The following ARHGAP10 variants were observed in gnomAD, a reference collection of about 807,000 sequenced individuals.
The protein encoded by ARHGAP10 is Rho GTPase activating protein 10, also known as rho GTPase-activating protein 10.
ARHGAP10 carries 87 observed loss-of-function variants against 108.6 expected under a neutral mutation model. That is an observed-to-expected ratio of 0.80 (90% CI 0.67 to 0.96). The LOEUF is 0.96. Among genes scored for constraint, ARHGAP10 ranks in the 40% least tolerant of loss-of-function variants. The pLI is 0.00. For missense variants in ARHGAP10, 939 were observed against 954.5 expected, an observed-to-expected ratio of 0.98 and a Z score of 0.21; for synonymous variants, 347 against 341.1, an observed-to-expected ratio of 1.02 and a Z score of -0.19.
At chr4:148,020,104 A>G (rs1741509880) in intron 18 of ARHGAP10, among the ~76,000 whole-genome samples, 1 of 152,090 alleles carries the variant, frequency 6.6e-6, no homozygotes, top group African/African-American at 2.4e-5. Flanking sequence ...AAAGTTTCAG[A>G]TTTTGGAGTG....
chr4:148,001,578 C>T (rs1328547180), intron 18 of ARHGAP10, among the ~76,000 whole-genome samples: 1 of 151,944 alleles, frequency 6.6e-6, no homozygotes, highest in Admixed American at 6.5e-5. Flanking sequence ...TTTGTGTCCT[C>T]TTTTATTTCA....
chr4:147,956,953 G>A (rs1738809774), intron 16 of ARHGAP10, among the ~76,000 whole-genome samples: 1 of 152,066 alleles, frequency 6.6e-6, no homozygotes, highest in Non-Finnish European at 1.5e-5. Context: ...ATCTTAAGAG[G>A]TAATAAAATC....
intron 1 of ARHGAP10, among the ~76,000 whole-genome samples, chr4:147,741,547 C>T (rs1728655568): frequency 6.6e-6 from 1 of 152,122 alleles, no homozygotes; most frequent in African/African-American, 2.4e-5. Context: ...ACATGATTTT[C>T]AGGCAGGGAC....
chr4:147,875,137 T>A lies in ARHGAP10; in HGVS notation c.819T>A (p.Tyr273Ter), dbSNP rs1195800140. The change falls in exon 8 of 23, where the codon TAT (tyrosine) becomes TAA (stop). Residue 273 changes from tyrosine (Y) to a stop codon, truncating the protein, a stop_gained. Coordinates refer to ENST00000336498, the MANE Select transcript of ARHGAP10 (RefSeq NM_024605.4). LOFTEE classifies it high-confidence loss of function. ...AGTTTACAGCCGAAGGCTACCTGTA[T>A]GTCCAGGAAAAAAGTAAGAGGCCCT... ...ASQFTAEGYL[Y>*]VQEKRPAPFG... 6.3e-7 allele frequency: 1 copy of A among 1,577,456 alleles called. No homozygotes were observed. Among genetic ancestry groups the A allele is most frequent in the South Asian group, 1.2e-5 (1 of 84,350 alleles).
At chr4:147,744,252 GGGAA>G (rs1413184877) in intron 1 of ARHGAP10, among the ~76,000 whole-genome samples, 1 of 152,114 alleles carries the variant, frequency 6.6e-6, no homozygotes, top group Non-Finnish European at 1.5e-5. Flanking sequence ...GCTGAGAGTG[GGGAA>G]GAAGTATTCT....
chr4:147,800,001 C>T (rs1275052858), intron 1 of ARHGAP10, among the ~76,000 whole-genome samples: 2 of 152,114 alleles, frequency 1.3e-5, no homozygotes, highest in African/African-American at 4.8e-5. Flanking sequence ...GCACACAGGT[C>T]CTGCCCTACA....
At chr4:147,884,436 A>T (rs1033755377) in intron 10 of ARHGAP10, among the ~76,000 whole-genome samples, 2 of 152,198 alleles carry the variant, frequency 1.3e-5, no homozygotes, top group Non-Finnish European at 2.9e-5. Context: ...ATAAAATTTC[A>T]TGTTAATGTG....
chr4:147,909,727 A>G lies in ARHGAP10; in HGVS notation c.1117-5A>G. 2 of 1,609,794 alleles carry G rather than the reference A, an allele frequency of 1.2e-6. No individual in the cohort carries two copies. The highest frequency in any genetic ancestry group is 1.1e-5 in the South Asian group (1 of 90,744). ...AAATTCTGTTTTTCCATTCTCTTTTATTAGCTGTCCCATAGTTTTAATACA... is the reference window on the plus strand; with the variant it reads ...AAATTCTGTTTTTCCATTCTCTTTTGTTAGCTGTCCCATAGTTTTAATACA... On this transcript the variant is annotated splice_polypyrimidine_tract_variant and splice_region_variant and intron_variant, in intron 11 of 22. Transcript: ENST00000336498.
At chr4:147,910,042 C>G (rs1736670895) in intron 12 of ARHGAP10, among the ~76,000 whole-genome samples, 1 of 152,082 alleles carries the variant, frequency 6.6e-6, no homozygotes, top group Non-Finnish European at 1.5e-5. Context: ...AAGTCTTGCT[C>G]TGTTGCCCAG....
chr4:148,023,585 G>T (rs1043928789), intron 19 of ARHGAP10, among the ~76,000 whole-genome samples, 172 bp downstream of exon 19: 1 of 152,166 alleles, frequency 6.6e-6, no homozygotes, highest in African/African-American at 2.4e-5. Context: ...GGGAGAAAAC[G>T]CAAGTTTCGG....
intron 22 of ARHGAP10, among the ~76,000 whole-genome samples, chr4:148,071,588 C>A (rs1730181161): frequency 6.6e-6 from 1 of 152,136 alleles, no homozygotes; most frequent in Non-Finnish European, 1.5e-5. Flanking sequence ...CGCACTCCAG[C>A]CTGGGCGACA....
At chr4:147,757,343 G>A (rs1729420132) in intron 1 of ARHGAP10, among the ~76,000 whole-genome samples, 2 of 152,094 alleles carry the variant, frequency 1.3e-5, no homozygotes, top group South Asian at 4.1e-4. Context: ...ACAGGCGTAT[G>A]CCGCCATGCC....
chr4:147,739,881 G>A (rs1012270428), intron 1 of ARHGAP10, among the ~76,000 whole-genome samples: 2 of 149,672 alleles, frequency 1.3e-5, no homozygotes, highest in African/African-American at 2.5e-5. Flanking sequence ...GATTACAGGC[G>A]CCTGCCACCA....
chr4:147,757,837 G>A (rs1250895003), intron 1 of ARHGAP10, among the ~76,000 whole-genome samples: 1 of 152,156 alleles, frequency 6.6e-6, no homozygotes, highest in African/African-American at 2.4e-5. Flanking sequence ...CAACCTGTCT[G>A]TTCCCTTCCC....
At chr4:147,743,254 C>T (rs1178127140) in intron 1 of ARHGAP10, among the ~76,000 whole-genome samples, 5 of 151,836 alleles carry the variant, frequency 3.3e-5, no homozygotes, top group East Asian at 3.9e-4. Flanking sequence ...AGGATGGTCT[C>T]GAATGCTTGA....
intron 1 of ARHGAP10, among the ~76,000 whole-genome samples, chr4:147,771,948 C>T (rs998211800): frequency 3.3e-5 from 5 of 152,282 alleles, no homozygotes; most frequent in East Asian, 3.9e-4. Flanking sequence ...TGCGCCACCA[C>T]GCCCAGCTAA....
Position 147,732,202 on chromosome 4 carries a change from G to C in ARHGAP10, c.-100G>C. ...CGCGCCCGGGCCTGCTAGCTCCTCTGTGCTCCCTGAACGCGCGGCGCCGCA... is the reference window on the plus strand; with the variant it reads ...CGCGCCCGGGCCTGCTAGCTCCTCTCTGCTCCCTGAACGCGCGGCGCCGCA... On this transcript the variant is annotated 5_prime_UTR_variant, in exon 1 of 23. Coordinates refer to ENST00000336498, the MANE Select transcript of ARHGAP10 (RefSeq NM_024605.4). The C allele has an allele frequency of 3.1e-6, 4 of 1,284,802 alleles. No individual in the cohort carries two copies. The highest frequency in any genetic ancestry group is 4.1e-6 in the Non-Finnish European group (4 of 985,986). 79.6% of individuals were successfully genotyped at this position (1,284,802 alleles called of 1,614,324 possible).
intron 13 of ARHGAP10, among the ~76,000 whole-genome samples, chr4:147,933,928 TG>T (rs1305726662): frequency 6.6e-6 from 1 of 152,128 alleles, no homozygotes; most frequent in Non-Finnish European, 1.5e-5. Flanking sequence ...GAGCTGAGCC[TG>T]GGTCCCCTTA....
chr4:147,784,663 ATATAT>A (rs1730749051), intron 1 of ARHGAP10, among the ~76,000 whole-genome samples: 1 of 772 alleles, frequency 1.3e-3, no homozygotes, highest in Non-Finnish European at 0.033. Context: ...ATTATAAAAT[ATATAT>A]TATATATTAT....
Sources: allele counts gnomAD v4.1 joint callset (sites outside exome capture counted in the v4.1 genomes callset), GRCh38; gene constraint gnomAD v4.1.1; transcripts MANE v1.5; gene names NCBI Gene and HGNC (gene_info 2026-07-23, HGNC 2026-07-21).